The following DLG2 variants were observed in gnomAD, a reference collection of about 807,000 sequenced individuals.
DLG2 encodes the protein disks large homolog 2.
A neutral mutation model predicts 132.5 loss-of-function variants in DLG2; 45 were observed. The ratio of observed to expected loss-of-function variants is 0.34; its 90% CI spans 0.27 to 0.44. The LOEUF is 0.44. DLG2 is among the 20% of genes least tolerant of loss of function. DLG2 has a pLI of 1.00. For synonymous variants in DLG2, 424 were observed against 419.6 expected (o/e 1.01, Z -0.13); for missense variants, 1,045 against 1,196.9 (o/e 0.87, Z 1.87).
intron 10 of DLG2, among the ~76,000 whole-genome samples, chr11:84,077,480 C>T (rs2154151332): frequency 6.6e-6 from 1 of 152,254 alleles, no homozygotes; most frequent in South Asian, 2.1e-4. Context: ...CTGGCCATTC[C>T]TTTTGTACAT....
At chr11:84,345,797 T>A (rs1033427453) in intron 7 of DLG2, among the ~76,000 whole-genome samples, 1 of 152,314 alleles carries the variant, frequency 6.6e-6, no homozygotes, top group South Asian at 2.1e-4. Flanking sequence ...AATAAAGATT[T>A]ATTGGAACAT....
chr11:84,763,111 C>A (rs1305668157), intron 6 of DLG2, among the ~76,000 whole-genome samples: 1 of 152,218 alleles, frequency 6.6e-6, no homozygotes. Flanking sequence ...ACTTTCAGGA[C>A]AGAGTCCGTA....
At chr11:85,224,962 CAT>C (rs1323940825) in intron 4 of DLG2, among the ~76,000 whole-genome samples, 5 of 152,098 alleles carry the variant, frequency 3.3e-5, no homozygotes, top group Non-Finnish European at 5.9e-5. Flanking sequence ...CAACAAATAA[CAT>C]GTGGTACTTT....
intron 17 of DLG2, among the ~76,000 whole-genome samples, chr11:83,822,032 G>C (rs2050959249): frequency 6.6e-6 from 1 of 152,076 alleles, no homozygotes; most frequent in East Asian, 1.9e-4. Context: ...GATCAAAGTT[G>C]ATAGAATCTA....
chr11:84,040,359 A>T (rs2154104745), intron 11 of DLG2, among the ~76,000 whole-genome samples: 2 of 152,216 alleles, frequency 1.3e-5, no homozygotes, highest in African/African-American at 4.8e-5. Context: ...TTTAGGTCTA[A>T]CGTTTAAGTC....
At chr11:85,059,934 T>C (rs1306142461) in intron 6 of DLG2, among the ~76,000 whole-genome samples, 1 of 151,488 alleles carries the variant, frequency 6.6e-6, no homozygotes, top group East Asian at 1.9e-4. Context: ...AGCATAGTGT[T>C]TTTTAATTGT....
intron 26 of DLG2, among the ~76,000 whole-genome samples, chr11:83,465,213 C>T (rs2090798367): frequency 6.6e-6 from 1 of 152,072 alleles, no homozygotes; most frequent in Non-Finnish European, 1.5e-5. Flanking sequence ...AATCCTTGTC[C>T]ATTTTTTATA....
At chr11:84,720,387 ACAGGGGACATTCCT>A in intron 6 of DLG2, 1 of 985,466 alleles carries the variant, frequency 1.0e-6, no homozygotes, top group African/African-American at 1.7e-5. Context: ...GTCCTTAACA[ACAGGGGACATTCCT>A]TCCGGGCTGC....
At chr11:84,226,165 A>C (rs1287142222) in intron 8 of DLG2, among the ~76,000 whole-genome samples, 1 of 152,162 alleles carries the variant, frequency 6.6e-6, no homozygotes, top group Admixed American at 6.5e-5. Flanking sequence ...ATTTGGTTAG[A>C]CTTCTAACTA....
chr11:84,260,833 C>T (rs1279449607), intron 7 of DLG2, among the ~76,000 whole-genome samples: 1 of 152,154 alleles, frequency 6.6e-6, no homozygotes, highest in Non-Finnish European at 1.5e-5. Flanking sequence ...ATGCCTCAAA[C>T]CCCACTGACT....
chr11:83,761,081 C>A (rs1164874173), intron 18 of DLG2, among the ~76,000 whole-genome samples: 4 of 152,120 alleles, frequency 2.6e-5, no homozygotes, highest in Non-Finnish European at 5.9e-5. Context: ...TGATCTGTGC[C>A]TGGGAAGCTG....
chr11:85,361,310 A>ATTT (rs11432662), intron 3 of DLG2, among the ~76,000 whole-genome samples: 4 of 149,024 alleles, frequency 2.7e-5, no homozygotes, highest in African/African-American at 9.9e-5. Flanking sequence ...AGACTTTTCT[A>ATTT]TTTTTTTTTT....
intron 8 of DLG2, among the ~76,000 whole-genome samples, chr11:84,186,935 C>T (rs1247422039): frequency 1.3e-5 from 2 of 151,814 alleles, no homozygotes; most frequent in Non-Finnish European, 2.9e-5. Flanking sequence ...AAATGTCCTT[C>T]TGAAAATATG....
intron 8 of DLG2, among the ~76,000 whole-genome samples, chr11:84,170,458 G>A (rs1163701667): frequency 6.6e-6 from 1 of 152,156 alleles, no homozygotes; most frequent in African/African-American, 2.4e-5. Flanking sequence ...ATGGAAACAT[G>A]TAACAAAGCG....
intron 4 of DLG2, among the ~76,000 whole-genome samples, chr11:85,191,160 G>GCACACACACACACACA (rs1256970184): frequency 6.9e-5 from 7 of 101,104 alleles, no homozygotes; most frequent in African/African-American, 2.6e-4. Context: ...GCGCGCACGC[G>GCACACACACACACACA]CGCACACACA....
At chr11:83,763,001 C>G (rs1003890587) in intron 18 of DLG2, among the ~76,000 whole-genome samples, 1 of 152,158 alleles carries the variant, frequency 6.6e-6, no homozygotes, top group Non-Finnish European at 1.5e-5. Context: ...TCCCATCTGC[C>G]AGGTTGGCTT....
chr11:84,927,788 G>A (rs547045144), intron 6 of DLG2, among the ~76,000 whole-genome samples: 27 of 151,992 alleles, frequency 1.8e-4, no homozygotes, highest in Non-Finnish European at 3.1e-4. Flanking sequence ...GTAAATTGCC[G>A]ACTTTTTTCT....
Position 84,402,881 on chromosome 11 carries a change from C to CAAAAAAAAA in DLG2, c.519+131680_519+131688dup, listed in dbSNP as rs34476380. On this transcript the variant is annotated intron_variant, in intron 7 of 27. Transcript: ENST00000376104. ...TGGGCGACAGAGCGAAACTCCGTCTCAAAAAAAAAAAAAAAAAAAATTAAC... is the reference window on the plus strand; with the variant it reads ...TGGGCGACAGAGCGAAACTCCGTCTCAAAAAAAAAAAAAAAAAAAAAAAAAAAAATTAAC... Among the ~76,000 whole-genome samples the CAAAAAAAAA allele has an allele frequency of 6.8e-4, 50 of 73,868 alleles. 6 individuals are homozygous for CAAAAAAAAA. The highest frequency in any genetic ancestry group is 2.8e-3 in the African/African-American group (27 of 9,546). 48.5% of individuals were successfully genotyped at this position (73,868 alleles called of 152,430 possible). A position where few individuals can be genotyped will look rare whatever the true frequency, so the allele number is the denominator to read the frequency against.
chr11:84,941,259 G>A (rs1243061057), intron 6 of DLG2, among the ~76,000 whole-genome samples: 1 of 152,150 alleles, frequency 6.6e-6, no homozygotes, highest in African/African-American at 2.4e-5. Flanking sequence ...AGCTATTTCT[G>A]TGAGAATGTC....
Sources: allele counts gnomAD v4.1 joint callset (sites outside exome capture counted in the v4.1 genomes callset), GRCh38; gene constraint gnomAD v4.1.1; transcripts MANE v1.5; gene names NCBI Gene and HGNC (gene_info 2026-07-23, HGNC 2026-07-21).